Variants in XKR6 observed in about 807,000 individuals in gnomAD.
XKR6 encodes the protein XK-related protein 6.
A neutral mutation model predicts 56.7 loss-of-function variants in XKR6; 22 were observed. That is an observed-to-expected ratio of 0.39 (90% CI 0.28 to 0.55). The LOEUF (loss-of-function observed/expected upper bound fraction) is 0.55. Among genes scored for constraint, XKR6 ranks in the 20% least tolerant of loss-of-function variants. XKR6 has a pLI of 0.66. For synonymous variants in XKR6, 524 were observed against 387.8 expected (o/e 1.35, Z -4.13); for missense variants, 852 against 889.0 (o/e 0.96, Z 0.53).
Position 10,896,366 on chromosome 8 carries a change from G to T in XKR6, c.*1586C>A, listed in dbSNP as rs893879898. 1 of 152,488 alleles carries T rather than the reference G, an allele frequency of 6.6e-6. No individual in the cohort carries two copies. The highest frequency in any genetic ancestry group is 1.5e-5 in the Non-Finnish European group (1 of 68,028). 9.4% of individuals were successfully genotyped at this position (152,488 alleles called of 1,614,324 possible). Reference sequence around the variant, plus strand: ...CTCTAAGGCCTGCAGTCCGCTGCTGGTGTGAGTCTTGCCACCCAAACCAGG... The same window carrying T: ...CTCTAAGGCCTGCAGTCCGCTGCTGTTGTGAGTCTTGCCACCCAAACCAGG... On this transcript the variant is annotated 3_prime_UTR_variant, in exon 3 of 3. Transcript: ENST00000416569.
At chr8:10,998,874 T>C (rs116908669) in intron 1 of XKR6, among the ~76,000 whole-genome samples, 2,742 of 152,230 alleles carry the variant, frequency 0.018, 32 homozygotes, top group Non-Finnish European at 0.027. Flanking sequence ...GAGAAGAAAA[T>C]TATGCAGCCC....
intron 1 of XKR6, among the ~76,000 whole-genome samples, chr8:11,130,694 A>G (rs1425535051): frequency 6.6e-6 from 1 of 151,930 alleles, no homozygotes; most frequent in Non-Finnish European, 1.5e-5. Flanking sequence ...CTTCAGACAA[A>G]GGTACAGATT....
chr8:10,969,849 G>C lies in XKR6; in HGVS notation c.765-45019C>G, dbSNP rs74730988. On this transcript the variant is annotated intron_variant, in intron 1 of 2. Transcript: ENST00000416569. ...AGCCTGACGCTCACCTGCCTGGGGT[G>C]GTTTATTTGCAGTGCAGCCCGAAGA... Among the ~76,000 whole-genome samples, 755 of 152,336 alleles carry C rather than the reference G, an allele frequency of 5.0e-3. 5 individuals are homozygous for C. Among genetic ancestry groups the C allele is most frequent in the African/African-American group, 0.017 (725 of 41,560 alleles).
At chr8:10,911,310 A>C (rs1800355356) in intron 2 of XKR6, among the ~76,000 whole-genome samples, 2 of 141,392 alleles carry the variant, frequency 1.4e-5, no homozygotes, top group African/African-American at 5.4e-5. Context: ...ATGTGTAGAG[A>C]GAGAGGGTGA....
chr8:10,916,120 TC>T (rs1364252023), intron 2 of XKR6, among the ~76,000 whole-genome samples: 1 of 152,146 alleles, frequency 6.6e-6, no homozygotes, highest in Non-Finnish European at 1.5e-5. Flanking sequence ...CAATTTGGGG[TC>T]CACCAGGCAG....
intron 1 of XKR6, among the ~76,000 whole-genome samples, chr8:11,091,495 A>G (rs1798071395): frequency 6.6e-6 from 1 of 152,098 alleles, no homozygotes; most frequent in Admixed American, 6.5e-5. Context: ...AAGAAAAAGA[A>G]AAGAAAACTC....
At chr8:11,129,135 G>C (rs1799976748) in intron 1 of XKR6, 1 of 364,108 alleles carries the variant, frequency 2.7e-6, no homozygotes, top group Admixed American at 3.7e-5. Context: ...ATGAATAAAG[G>C]AGTTTCTTTT....
intron 1 of XKR6, among the ~76,000 whole-genome samples, chr8:10,948,663 C>T (rs1004824571): frequency 1.3e-5 from 2 of 152,216 alleles, no homozygotes; most frequent in East Asian, 1.9e-4. Flanking sequence ...CCGCAGGACC[C>T]GGTCTGTCCT....
At chr8:11,056,941 C>A (rs1239632234) in intron 1 of XKR6, among the ~76,000 whole-genome samples, 1 of 152,178 alleles carries the variant, frequency 6.6e-6, no homozygotes, top group Non-Finnish European at 1.5e-5. Context: ...GGCTAAGAAA[C>A]CCACAGGCAA....
At chr8:11,115,882 G>A (rs1016333554) in intron 1 of XKR6, among the ~76,000 whole-genome samples, 1 of 152,152 alleles carries the variant, frequency 6.6e-6, no homozygotes, top group Admixed American at 6.5e-5. Context: ...ATTTTTCATG[G>A]AGTCTAACTA....
intron 1 of XKR6, among the ~76,000 whole-genome samples, chr8:10,955,730 G>A (rs903205327): frequency 6.6e-6 from 1 of 152,180 alleles, no homozygotes. Context: ...ATGGGAATGA[G>A]CTAGCCTGAG....
rs1804194343 is a variant in XKR6 at position 11,201,007 on chromosome 8, C to G, written c.333G>C (p.Ser111=). The G allele has an allele frequency of 7.3e-7, 1 of 1,378,120 alleles. No individual in the cohort carries two copies. The highest frequency in any genetic ancestry group is 1.5e-5 in the African/African-American group (1 of 66,816). The allele number at this position is 1,378,120 out of a possible 1,614,324, so 85.4% of individuals were successfully genotyped here. Residue 111 remains serine (S), a synonymous_variant, in exon 1 of 3, where the codon TCG becomes TCC. Transcript: ENST00000416569. ...PGAGRQPPTP[S]AARPEPPPPQ... ...GCGGCGGCGGCTCCGGCCGCGCGGC[C>G]GAGGGCGTCGGGGGTTGGCGGCCGG...
chr8:11,004,849 T>G (rs1798328998), intron 1 of XKR6, among the ~76,000 whole-genome samples: 1 of 152,210 alleles, frequency 6.6e-6, no homozygotes, highest in Non-Finnish European at 1.5e-5. Context: ...GAAACATTAT[T>G]CAGCCTTAAA....
At chr8:11,109,278 G>A (rs1003587063) in intron 1 of XKR6, 8 of 152,098 alleles carry the variant, frequency 5.3e-5, no homozygotes, top group Non-Finnish European at 1.2e-4. Flanking sequence ...TCTCCACTAC[G>A]TTCAGTTGTC....
chr8:10,916,954 C>A (rs1398341746), intron 2 of XKR6, among the ~76,000 whole-genome samples: 2 of 152,296 alleles, frequency 1.3e-5, no homozygotes, highest in Non-Finnish European at 2.9e-5. Flanking sequence ...GAAGTTAGCA[C>A]TGAAGAGACA....
intron 1 of XKR6, among the ~76,000 whole-genome samples, chr8:11,083,921 T>A (rs1797806069): frequency 6.6e-6 from 1 of 152,004 alleles, no homozygotes; most frequent in African/African-American, 2.4e-5. Flanking sequence ...AGTTTGCTGT[T>A]TCGTTAAAAA....
chr8:11,160,464 A>C (rs574787002), intron 1 of XKR6, among the ~76,000 whole-genome samples: 1 of 152,280 alleles, frequency 6.6e-6, no homozygotes, highest in East Asian at 1.9e-4. Flanking sequence ...GACAAAGAAA[A>C]TAAATAAAGT....
intron 1 of XKR6, among the ~76,000 whole-genome samples, chr8:10,973,072 T>C (rs771777630): frequency 1.3e-5 from 2 of 152,176 alleles, no homozygotes; most frequent in Non-Finnish European, 2.9e-5. Flanking sequence ...GATTAGCCTC[T>C]TCAAGAGTGG....
intron 1 of XKR6, among the ~76,000 whole-genome samples, chr8:11,075,792 G>C (rs1487519035): frequency 6.6e-6 from 1 of 152,142 alleles, no homozygotes; most frequent in African/African-American, 2.4e-5. Context: ...AGAATCACTT[G>C]AACCTGGGGG....
Sources: gnomAD v4.1 joint callset for allele counts (sites outside exome capture counted in the v4.1 genomes callset) on GRCh38, gnomAD v4.1.1 for gene constraint, MANE v1.5 for transcripts, NCBI Gene and HGNC (gene_info 2026-07-23, HGNC 2026-07-21) for gene names.